The following PCDH9 variants were observed in gnomAD, a reference collection of about 807,000 sequenced individuals.
PCDH9 encodes the protein protocadherin 9.
PCDH9 carries 24 observed loss-of-function variants against 70.6 expected under a neutral mutation model. The ratio of observed to expected loss-of-function variants is 0.34; its 90% CI spans 0.25 to 0.48. The LOEUF is 0.48. Among genes scored for constraint, PCDH9 ranks in the 20% least tolerant of loss-of-function variants. The pLI, the probability that PCDH9 is intolerant of heterozygous loss-of-function variation, is 0.99. For synonymous variants in PCDH9, 562 were observed against 558.5 expected, an observed-to-expected ratio of 1.01 and a Z score of -0.09; for missense variants, 1,281 against 1,503.6, an observed-to-expected ratio of 0.85 and a Z score of 2.45.
At chr13:66,663,076 A>T (rs575475521) in intron 3 of PCDH9, among the ~76,000 whole-genome samples, 1 of 152,338 alleles carries the variant, frequency 6.6e-6, no homozygotes, top group African/African-American at 2.4e-5. Flanking sequence ...GGAGAATCTT[A>T]ACACTACAGC....
At chr13:67,072,593 G>A (rs1196577700) in intron 2 of PCDH9, among the ~76,000 whole-genome samples, 2 of 152,028 alleles carry the variant, frequency 1.3e-5, no homozygotes, top group African/African-American at 2.4e-5. Flanking sequence ...TGTGATGGGT[G>A]AGAAAGAGAT....
intron 3 of PCDH9, among the ~76,000 whole-genome samples, chr13:66,797,446 T>C (rs972304860): frequency 2.0e-5 from 3 of 152,186 alleles, no homozygotes; most frequent in Non-Finnish European, 4.4e-5. Flanking sequence ...TTGTCTGCTT[T>C]ACGGTTATTA....
intron 4 of PCDH9, among the ~76,000 whole-genome samples, chr13:66,411,955 T>G (rs1957378506): frequency 6.6e-6 from 1 of 152,302 alleles, no homozygotes; most frequent in South Asian, 2.1e-4. Flanking sequence ...CTCAAAACTA[T>G]TTTCAAGTAA....
At chr13:66,605,409 A>C (rs1036992603) in intron 4 of PCDH9, among the ~76,000 whole-genome samples, 3 of 152,154 alleles carry the variant, frequency 2.0e-5, no homozygotes, top group African/African-American at 7.2e-5. Flanking sequence ...GTTTCAAATA[A>C]CCAAGGTTAA....
chr13:66,824,170 A>T (rs7321054), intron 3 of PCDH9, among the ~76,000 whole-genome samples: 27,584 of 151,292 alleles, frequency 0.18, 2,753 homozygotes, highest in South Asian at 0.26. Context: ...AAATCTACTT[A>T]AATAATTTAA....
intron 3 of PCDH9, among the ~76,000 whole-genome samples, chr13:66,715,748 A>C (rs569306757): frequency 1.3e-5 from 2 of 152,206 alleles, no homozygotes; most frequent in East Asian, 3.8e-4. Context: ...ACAGACAAAT[A>C]AATGCAACAA....
At chr13:66,585,038 G>A (rs1419635037) in intron 4 of PCDH9, among the ~76,000 whole-genome samples, 1 of 152,008 alleles carries the variant, frequency 6.6e-6, no homozygotes, top group Non-Finnish European at 1.5e-5. Context: ...GGGGTAGGGG[G>A]TAGGATAGAA....
intron 3 of PCDH9, among the ~76,000 whole-genome samples, chr13:66,877,517 G>A (rs1465852589): frequency 6.6e-6 from 1 of 152,050 alleles, no homozygotes; most frequent in Non-Finnish European, 1.5e-5. Context: ...AAGCCTTGGA[G>A]TCACCAGATT....
intron 4 of PCDH9, among the ~76,000 whole-genome samples, chr13:66,327,745 C>T (rs943427576): frequency 2.6e-5 from 4 of 152,082 alleles, no homozygotes; most frequent in Non-Finnish European, 5.9e-5. Context: ...CATTATGAGG[C>T]TATTTGTGAG....
intron 2 of PCDH9, among the ~76,000 whole-genome samples, chr13:67,011,749 T>C (rs1376437589): frequency 1.3e-5 from 2 of 151,946 alleles, no homozygotes; most frequent in East Asian, 3.9e-4. Context: ...AGCTGAATAT[T>C]GTAGGCTGCT....
chr13:67,055,298 G>A (rs1296811613), intron 2 of PCDH9, among the ~76,000 whole-genome samples: 1 of 152,146 alleles, frequency 6.6e-6, no homozygotes, highest in Admixed American at 6.5e-5. Flanking sequence ...ACAGGCTCCA[G>A]CTTATAAATG....
chr13:66,626,155 C>T (rs977452724), intron 4 of PCDH9, among the ~76,000 whole-genome samples: 5 of 151,820 alleles, frequency 3.3e-5, no homozygotes, highest in Admixed American at 2.0e-4. Flanking sequence ...AGTCTTTGAT[C>T]CTAGACGTTA....
rs556888950 is a variant in PCDH9 at position 66,769,020 on chromosome 13, A to G, written c.3138+134484T>C. ...ATGTTAAACTTAAAATATACAAGGT[A>G]TGCATCATCTTACTTTGTACATATT... On this transcript the variant is annotated intron_variant, in intron 3 of 4. Coordinates refer to ENST00000377865, the MANE Select transcript of PCDH9 (RefSeq NM_203487.3). Among the ~76,000 whole-genome samples the G allele has an allele frequency of 2.6e-5, 4 of 152,238 alleles. No homozygotes were observed. The South Asian group carries it at 8.3e-4, about 32-fold the overall frequency.
At chr13:67,217,124 A>G (rs1422463459) in intron 2 of PCDH9, 2 of 152,080 alleles carry the variant, frequency 1.3e-5, no homozygotes, top group Non-Finnish European at 2.9e-5. Context: ...GAATCCAAAA[A>G]ACCACCAGTA....
intron 2 of PCDH9, among the ~76,000 whole-genome samples, chr13:67,165,105 A>G (rs1399514676): frequency 6.6e-6 from 1 of 152,200 alleles, no homozygotes; most frequent in Admixed American, 6.5e-5. Context: ...TAAATTAATT[A>G]AAAATTTAAA....
At position 67,227,357 on chromosome 13, in the gene PCDH9, A is replaced by C. The variant is rs1177325633; in HGVS notation, c.1084T>G (p.Tyr362Asp). The C allele has an allele frequency of 6.2e-7, 1 of 1,613,908 alleles. No homozygotes were observed. The part of the protein sequence containing the change: ...NDNPPNIDLR[Y>D]IISPINGTVY... ...GTGCCATTGATGGGACTTATAATGT[A>C]CCTGAGGTCTATATTAGGAGGGTTA... is the stretch of plus-strand genomic sequence containing the variant. The change falls in exon 2 of 5, where the codon TAC becomes GAC. Residue 362 changes from tyrosine (Y) to aspartate (D), a missense_variant. Tyr to Asp is a radical substitution (Grantham distance 160). This residue lies in a region of PCDH9 where 798 missense variants were observed against 1,003.1 expected (regional missense o/e 0.80). Transcript: ENST00000377865. This position sits in a 1 kb window ranked among gnomAD's most constrained non-coding sequence, Gnocchi z 4.6.
intron 2 of PCDH9, chr13:67,208,463 T>C (rs1393145349): frequency 1.3e-5 from 2 of 152,100 alleles, no homozygotes; most frequent in Non-Finnish European, 2.9e-5. Context: ...ATTAATAATA[T>C]TTATGTCACT....
intron 2 of PCDH9, among the ~76,000 whole-genome samples, chr13:67,189,250 C>T (rs1018911823): frequency 6.6e-6 from 1 of 151,322 alleles, no homozygotes; most frequent in Non-Finnish European, 1.5e-5. Flanking sequence ...ATTTCTTTGT[C>T]CACTCATTGA....
At chr13:66,362,370 T>C (rs990129222) in intron 4 of PCDH9, among the ~76,000 whole-genome samples, 2 of 152,176 alleles carry the variant, frequency 1.3e-5, no homozygotes, top group African/African-American at 4.8e-5. Context: ...AGTTTAAGCA[T>C]TAGCCAATTT....
Sources: gnomAD v4.1 joint callset for allele counts (sites outside exome capture counted in the v4.1 genomes callset) on GRCh38, gnomAD v4.1.1 for gene constraint, gnomAD v4.1.1 regional missense constraint, Gnocchi (gnomAD v3.1) non-coding constraint, MANE v1.5 for transcripts, NCBI Gene and HGNC (gene_info 2026-07-23, HGNC 2026-07-21) for gene names.